AOPEP: variants seen among roughly 807,000 people sequenced by gnomAD.
AOPEP encodes aminopeptidase O (putative).
Under a neutral mutation model 98.1 loss-of-function variants are expected in AOPEP, and 77 were observed. The ratio of observed to expected loss-of-function variants is 0.78; its 90% confidence interval spans 0.65 to 0.95. AOPEP has a LOEUF of 0.95. Ranked by LOEUF, AOPEP falls within the 40% of genes least tolerant of loss-of-function variation. The probability of loss-of-function intolerance (pLI) is 0.00; values close to 1 mark genes in which losing one functional copy is unlikely to be tolerated. For missense variants in AOPEP, 1,024 were observed against 1,024.7 expected (o/e 1.00, Z 0.01); for synonymous variants, 346 against 365.3 (o/e 0.95, Z 0.60).
chr9:95,026,523 G>A (rs561666878), intron 13 of AOPEP, among the ~76,000 whole-genome samples: 10 of 152,144 alleles, frequency 6.6e-5, no homozygotes, highest in Non-Finnish European at 1.3e-4. Flanking sequence ...AGTGTGTATC[G>A]CTGTGTTCCC....
chr9:94,911,500 T>C (rs2052030147), intron 5 of AOPEP, among the ~76,000 whole-genome samples: 1 of 152,158 alleles, frequency 6.6e-6, no homozygotes, highest in South Asian at 2.1e-4. Flanking sequence ...GGTTTATTAT[T>C]GTGGCATGTT....
At chr9:95,027,892 T>G (rs2063968566) in intron 13 of AOPEP, among the ~76,000 whole-genome samples, 1 of 152,222 alleles carries the variant, frequency 6.6e-6, no homozygotes, top group African/African-American at 2.4e-5. Flanking sequence ...AACCTATTTT[T>G]CTAAATAAGT....
At chr9:94,873,057 A>C (rs1023212574) in intron 5 of AOPEP, among the ~76,000 whole-genome samples, 1 of 152,168 alleles carries the variant, frequency 6.6e-6, no homozygotes, top group Non-Finnish European at 1.5e-5. Flanking sequence ...GGCGGATAGC[A>C]GAGGAGCCGA....
intron 5 of AOPEP, among the ~76,000 whole-genome samples, chr9:94,853,316 C>T (rs112840976): frequency 0.029 from 4,465 of 151,966 alleles, 194 homozygotes; most frequent in African/African-American, 0.096. Context: ...AAAAATTAGC[C>T]GGGTGTGGTG....
At chr9:94,989,559 C>A (rs1354536458) in intron 11 of AOPEP, among the ~76,000 whole-genome samples, 1 of 148,330 alleles carries the variant, frequency 6.7e-6, no homozygotes, top group East Asian at 2.1e-4. Context: ...CTAAGTACAA[C>A]CTAAACCCTT....
At chr9:94,800,418 C>T (rs534932169) in intron 4 of AOPEP, among the ~76,000 whole-genome samples, 17 of 152,272 alleles carry the variant, frequency 1.1e-4, no homozygotes, top group African/African-American at 4.1e-4. Context: ...AAACATCTAA[C>T]CGAGGGCAGG....
At chr9:94,974,094 A>G (rs1486552356) in intron 10 of AOPEP, among the ~76,000 whole-genome samples, 10 of 152,218 alleles carry the variant, frequency 6.6e-5, no homozygotes, top group Admixed American at 5.9e-4. Context: ...AGCTACCTGC[A>G]TGCTATGTTC....
chr9:94,817,910 G>C (rs1213961299), intron 5 of AOPEP, among the ~76,000 whole-genome samples: 2 of 152,202 alleles, frequency 1.3e-5, no homozygotes, highest in East Asian at 3.8e-4. Context: ...GCCAGGGTCA[G>C]TGTTTTGGCA....
intron 9 of AOPEP, among the ~76,000 whole-genome samples, chr9:94,956,379 T>C (rs1346454051): frequency 6.6e-6 from 1 of 152,240 alleles, no homozygotes; most frequent in Admixed American, 6.5e-5. Flanking sequence ...CAGATCTGCA[T>C]CCAGGCTCAC....
chr9:95,085,301 T>C (rs1443045880), intron 16 of AOPEP: 2 of 482,978 alleles, frequency 4.1e-6, no homozygotes, highest in Non-Finnish European at 8.7e-6. Flanking sequence ...ACCACGACCT[T>C]GGCTGCTCCT....
chr9:94,727,584 A>G (rs1038909459), intron 1 of AOPEP, among the ~76,000 whole-genome samples: 1 of 152,260 alleles, frequency 6.6e-6, no homozygotes, highest in African/African-American at 2.4e-5. Flanking sequence ...ACAAAACCAG[A>G]CAGAATAGAT....
chr9:95,017,165 T>G (rs771183335), intron 13 of AOPEP, among the ~76,000 whole-genome samples: 1 of 151,874 alleles, frequency 6.6e-6, no homozygotes, highest in Non-Finnish European at 1.5e-5. Flanking sequence ...CGTATACAAG[T>G]GGGTTTCTGT....
In AOPEP at chr9:94,948,522, A is replaced by C. The variant is rs142195262; in HGVS notation, c.1662-6655A>C. ...CCGCCCCCCATCTCTTATCTTTGCA[A>C]ATCGGAATAGCTGTCTACCTCCTTC... is the stretch of plus-strand genomic sequence containing the variant. On this transcript the variant is annotated intron_variant, in intron 7 of 16. Transcript: ENST00000375315. 1.4e-4 allele frequency among the ~76,000 whole-genome samples: 22 copies of C among 152,114 alleles called. No individual in the cohort carries two copies. In the East Asian group the frequency reaches 4.2e-3, roughly 29 times the overall value.
At chr9:95,113,117 C>T in the AOPEP span, among the ~76,000 whole-genome samples, 5 of 152,166 alleles carry the variant, frequency 3.3e-5, no homozygotes, top group Non-Finnish European at 5.9e-5. Flanking sequence ...TGTGGGGGGC[C>T]GACTGGCCAC....
At chr9:94,853,192 G>A (rs1425098493) in intron 5 of AOPEP, among the ~76,000 whole-genome samples, 10 of 152,198 alleles carry the variant, frequency 6.6e-5, no homozygotes, top group Admixed American at 6.5e-4. Flanking sequence ...GGGCGCAGTG[G>A]CTAATGCCCC....
chr9:95,132,181 G>A, the AOPEP span, among the ~76,000 whole-genome samples: 1 of 152,160 alleles, frequency 6.6e-6, no homozygotes, highest in South Asian at 2.1e-4. Context: ...CAAATGGGAG[G>A]GCATGAGAAT....
intron 16 of AOPEP, chr9:95,085,905 G>A (rs1456702311): frequency 5.7e-6 from 7 of 1,221,554 alleles, no homozygotes; most frequent in African/African-American, 1.6e-5. Flanking sequence ...TTCTGGGCGC[G>A]GTGAACTCTC....
intron 9 of AOPEP, among the ~76,000 whole-genome samples, chr9:94,960,185 G>A (rs894844341): frequency 7.9e-5 from 12 of 152,162 alleles, no homozygotes; most frequent in Non-Finnish European, 1.5e-4. Context: ...GCTGAGGCGG[G>A]TGGATCATGA....
intron 5 of AOPEP, among the ~76,000 whole-genome samples, chr9:94,803,536 C>A (rs1202815603): frequency 6.6e-6 from 1 of 152,068 alleles, no homozygotes; most frequent in Non-Finnish European, 1.5e-5. Flanking sequence ...GAGCTGGATT[C>A]TGATATTTCA....
Sources: gnomAD v4.1 joint callset for allele counts (sites outside exome capture counted in the v4.1 genomes callset) on GRCh38, gnomAD v4.1.1 for gene constraint, MANE v1.5 for transcripts, NCBI Gene and HGNC (gene_info 2026-07-23, HGNC 2026-07-21) for gene names.